DEFB134: variants seen among roughly 807,000 people sequenced by gnomAD.
The protein encoded by DEFB134 is defensin beta 134, also known as beta-defensin 134.
A neutral mutation model predicts 7.4 loss-of-function variants in DEFB134; 7 were observed. That is an observed-to-expected ratio of 0.95 (90% CI 0.54 to 1.79). The LOEUF (loss-of-function observed/expected upper bound fraction) is 1.79. Ranked by LOEUF, DEFB134 falls within the 40% of genes most tolerant of loss-of-function variation. The pLI is 0.00. For missense variants in DEFB134, 105 were observed against 74.8 expected, an observed-to-expected ratio of 1.40 and a Z score of -1.49; for synonymous variants, 33 against 25.0, an observed-to-expected ratio of 1.32 and a Z score of -0.96.
At chr8:11,996,236 C>T in exon 1 of DEFB134, 2 of 1,613,738 alleles carry the variant, frequency 1.2e-6, no homozygotes, top group Non-Finnish European at 8.5e-7. Flanking sequence ...ACAAACACAA[C>T]AAGGAGAGGC....
chr8:11,995,958 C>CA (rs34837269), intron 1 of DEFB134, among the ~76,000 whole-genome samples: 47,335 of 140,208 alleles, frequency 0.34, 7,952 homozygotes, highest in African/African-American at 0.37. Flanking sequence ...TCAGTTCAGC[C>CA]AAAAAAAAAA....
upstream of DEFB134, among the ~76,000 whole-genome samples, chr8:11,998,230 C>T (rs1281293381): frequency 5.9e-5 from 9 of 152,012 alleles, no homozygotes; most frequent in Non-Finnish European, 1.5e-5. Context: ...AGGTGGATCA[C>T]TTGAGTCCAG....
upstream of DEFB134, among the ~76,000 whole-genome samples, chr8:11,996,704 A>C (rs1200571462): frequency 6.6e-6 from 1 of 152,214 alleles, no homozygotes; most frequent in Non-Finnish European, 1.5e-5. Context: ...TTCTAAAGAA[A>C]GTTTCATTTA....
At chr8:11,998,730 C>T (rs1800190685), upstream of DEFB134, among the ~76,000 whole-genome samples, 1 of 151,906 alleles carries the variant, frequency 6.6e-6, no homozygotes, top group Non-Finnish European at 1.5e-5. Flanking sequence ...TGAACCCATA[C>T]AAAAGATTAA....
In DEFB134 at chr8:11,993,878, G is replaced by T. The variant is rs1350800856; in HGVS notation, c.*102C>A. Reference sequence around the variant, plus strand: ...AAAAATGCTAAAAACCAGTAGTCATGGACACATCATGGTGTCACAGTTTGA... The same window carrying T: ...AAAAATGCTAAAAACCAGTAGTCATTGACACATCATGGTGTCACAGTTTGA... On this transcript the variant is annotated 3_prime_UTR_variant, in exon 2 of 2. Coordinates refer to ENST00000526438, the Ensembl canonical transcript of DEFB134. 2.7e-6 allele frequency: 4 copies of T among 1,468,846 alleles called. No homozygotes were observed. In the African/African-American group the frequency reaches 5.7e-5, roughly 21 times the overall value. 91.0% of individuals were successfully genotyped at this position (1,468,846 alleles called of 1,614,324 possible).
At chr8:11,997,071 C>G (rs1343930737), upstream of DEFB134, among the ~76,000 whole-genome samples, 1 of 152,160 alleles carries the variant, frequency 6.6e-6, no homozygotes, top group Non-Finnish European at 1.5e-5. Context: ...ATATTCCCCT[C>G]CTGATTCTCT....
Position 11,994,913 on chromosome 8 carries a change from G to A in DEFB134, c.59-791C>T, listed in dbSNP as rs1016287127. Among the ~76,000 whole-genome samples, 6 of 152,138 alleles carry A rather than the reference G, an allele frequency of 3.9e-5. No individual in the cohort carries two copies. The East Asian group carries it at 9.6e-4, about 24-fold the overall frequency. ...CAATGATGTATTTGCAATGTGGAAC[G>A]GTCTTGTGAGTTTGAAGGAGGATGA... On this transcript the variant is annotated intron_variant, in intron 1 of 1. Coordinates refer to ENST00000526438, the Ensembl canonical transcript of DEFB134.
At chr8:11,993,970 G>T (rs141183297) in exon 2 of DEFB134, 1 of 1,610,176 alleles carries the variant, frequency 6.2e-7, no homozygotes, top group Non-Finnish European at 8.5e-7. Context: ...CCATTCATTG[G>T]TTTCTTATGT....
intron 1 of DEFB134, 76 bp from the exon 3 acceptor site, chr8:11,994,198 T>A: frequency 6.7e-7 from 1 of 1,487,976 alleles, no homozygotes; most frequent in South Asian, 1.3e-5. Context: ...CCTCAATTTT[T>A]ATCCAACCGG....
chr8:11,994,555 A>T (rs112481660), intron 1 of DEFB134, among the ~76,000 whole-genome samples: 4 of 152,328 alleles, frequency 2.6e-5, no homozygotes, highest in African/African-American at 9.6e-5. Flanking sequence ...ACTATGAGAA[A>T]ATAAAGTTTG....
chr8:11,998,693 A>G (rs1800189575), upstream of DEFB134, among the ~76,000 whole-genome samples: 1 of 152,158 alleles, frequency 6.6e-6, no homozygotes, highest in South Asian at 2.1e-4. Context: ...AACCAAAATC[A>G]GAGCTGAACT....
At chr8:11,996,748 T>G (rs1389840050), upstream of DEFB134, among the ~76,000 whole-genome samples, 1 of 152,216 alleles carries the variant, frequency 6.6e-6, no homozygotes, top group Non-Finnish European at 1.5e-5. Flanking sequence ...TTGTTTTACA[T>G]AGCTATAAAC....
At chr8:11,994,244 T>A in intron 1 of DEFB134, 122 bp from the exon 3 acceptor site, 1 of 1,241,578 alleles carries the variant, frequency 8.1e-7, no homozygotes, top group Non-Finnish European at 1.1e-6. Context: ...ATTGATCCTG[T>A]AACTGAAAAA....
chr8:11,998,292 A>T (rs560209962), upstream of DEFB134, among the ~76,000 whole-genome samples: 1 of 149,032 alleles, frequency 6.7e-6, no homozygotes, highest in East Asian at 2.0e-4. Flanking sequence ...CTACAAGATT[A>T]AAAAAAAAAT....
At chr8:11,996,314 G>C (rs1392038494), upstream of DEFB134, 1 of 1,587,332 alleles carries the variant, frequency 6.3e-7, no homozygotes, top group African/African-American at 1.3e-5. Flanking sequence ...AGGGAACAGA[G>C]AGAAGAGGTT....
upstream of DEFB134, chr8:11,996,393 G>T: frequency 1.3e-6 from 1 of 786,078 alleles, no homozygotes; most frequent in Non-Finnish European, 2.0e-6. Flanking sequence ...ATGCTACACT[G>T]AACACCCCTG....
At chr8:11,996,243 A>T (rs766870619) in exon 1 of DEFB134, 4 of 1,613,652 alleles carry the variant, frequency 2.5e-6, no homozygotes, top group Non-Finnish European at 3.4e-6. Flanking sequence ...CAACAAGGAG[A>T]GGCTTCATGG....
chr8:12,000,638 C>T (rs1181745361), upstream of DEFB134, among the ~76,000 whole-genome samples: 3 of 152,120 alleles, frequency 2.0e-5, no homozygotes, highest in Non-Finnish European at 4.4e-5. Context: ...ACAATTATAA[C>T]AATATGCTAT....
chr8:11,997,326 A>G (rs540078805), upstream of DEFB134, among the ~76,000 whole-genome samples: 14 of 152,296 alleles, frequency 9.2e-5, no homozygotes, highest in East Asian at 2.5e-3. Flanking sequence ...GTATTGATTG[A>G]TGTTTGATTA....
Sources: allele counts gnomAD v4.1 joint callset (sites outside exome capture counted in the v4.1 genomes callset), GRCh38; gene constraint gnomAD v4.1.1; transcripts MANE v1.5; gene names NCBI Gene and HGNC (gene_info 2026-07-23, HGNC 2026-07-21).